RAPH1: variants seen among roughly 807,000 people sequenced by gnomAD.
The protein encoded by RAPH1 is ras-associated and pleckstrin homology domains-containing protein 1.
In RAPH1, 18 loss-of-function variants were observed where a neutral mutation model predicts 88.1. That is an observed-to-expected ratio of 0.20 (90% CI 0.14 to 0.30). RAPH1 has a LOEUF of 0.30. Among genes scored for constraint, RAPH1 ranks in the 10% least tolerant of loss-of-function variants. RAPH1 has a pLI of 1.00. For missense variants in RAPH1, 1,448 were observed against 1,543.2 expected, an observed-to-expected ratio of 0.94 and a Z score of 1.03; for synonymous variants, 587 against 559.0, an observed-to-expected ratio of 1.05 and a Z score of -0.71.
intron 13 of RAPH1, 132 bp downstream of exon 13, chr2:203,444,736 G>T: frequency 1.3e-6 from 1 of 759,342 alleles, no homozygotes; most frequent in African/African-American, 1.8e-5. Context: ...CTACAATTAG[G>T]AAGATTGAAA....
In RAPH1 at chr2:203,460,029, C is replaced by G. The variant is rs2098523081; in HGVS notation, c.971-1G>C. ...TTTTCATGGTCTTCAAAGATTCTCT[C>G]TGTCCCAAAATAAAATATCCGTATT... On this transcript the variant is annotated splice_acceptor_variant, in intron 6 of 13. Coordinates refer to ENST00000319170, the MANE Select transcript of RAPH1 (RefSeq NM_213589.3). LOFTEE classifies it high-confidence loss of function. 3 of 1,600,274 alleles carry G rather than the reference C, an allele frequency of 1.9e-6. No homozygotes were observed. The highest frequency in any genetic ancestry group is 2.6e-6 in the Non-Finnish European group (3 of 1,174,348).
intron 1 of RAPH1, among the ~76,000 whole-genome samples, chr2:203,507,859 C>T (rs1395320651): frequency 6.6e-6 from 1 of 152,112 alleles, no homozygotes; most frequent in Non-Finnish European, 1.5e-5. Flanking sequence ...ATCAATGTTA[C>T]ATTTCCTGAT....
rs1298231513 is a variant in RAPH1, at chr2:203,440,060, C to G, written c.3130G>C (p.Gly1044Arg). Residue 1044 changes from glycine (G) to arginine (R), a missense_variant, in exon 14 of 14, where the codon GGG (glycine) becomes CGG (arginine). Gly to Arg is a moderately radical substitution (Grantham distance 125). Around this residue, in one of 2 missense-constraint regions of RAPH1, gnomAD observed 935 missense variants for 890.1 expected, o/e 1.05. Transcript: ENST00000319170. Reference protein sequence around the residue: ...GVNLPGVLQQGCVSAKAPVLS... With the variant: ...GVNLPGVLQQRCVSAKAPVLS... ...ACAGGGGCTTTTGCTGACACACACC[C>G]TTGTTGGAGAACTCCAGGAAGGTTG... 1 of 1,613,646 alleles carries G rather than the reference C, an allele frequency of 6.2e-7. No individual in the cohort carries two copies.
chr2:203,437,645 A>G lies in RAPH1; in HGVS notation c.*1792T>C, dbSNP rs1438499220. 6 of 153,002 alleles carry G rather than the reference A, an allele frequency of 3.9e-5. No homozygotes were observed. The highest frequency in any genetic ancestry group is 3.9e-4 in the Admixed American group (6 of 15,322). The allele number at this position is 153,002 out of a possible 1,614,324, so 9.5% of individuals were successfully genotyped here. A position where few individuals can be genotyped will look rare whatever the true frequency, so the allele number is the denominator to read the frequency against. On this transcript the variant is annotated 3_prime_UTR_variant, in exon 14 of 14. Transcript: ENST00000319170. ...CAATATTCTGGAGATGTAGCAATGG[A>G]GAGGTGCTGTTCACTCTCTGTTTAC...
At chr2:203,533,001 C>T (rs989985094) in intron 1 of RAPH1, among the ~76,000 whole-genome samples, 6 of 152,112 alleles carry the variant, frequency 3.9e-5, no homozygotes, top group African/African-American at 1.4e-4. Flanking sequence ...TGACAGTTAT[C>T]CACGATGCCA....
intron 3 of RAPH1, among the ~76,000 whole-genome samples, chr2:203,490,801 G>T (rs533386935): frequency 1.3e-5 from 2 of 152,156 alleles, no homozygotes; most frequent in South Asian, 4.2e-4. Context: ...CCAGCACTTT[G>T]GGAGGCTGAG....
At chr2:203,499,039 G>A (rs943917338) in intron 1 of RAPH1, among the ~76,000 whole-genome samples, 4 of 151,314 alleles carry the variant, frequency 2.6e-5, no homozygotes, top group Admixed American at 2.6e-4. Flanking sequence ...TATACCACCT[G>A]GGTTTGTGTA....
chr2:203,501,958 T>C (rs1322872772), intron 1 of RAPH1, among the ~76,000 whole-genome samples: 1 of 152,120 alleles, frequency 6.6e-6, no homozygotes, highest in Non-Finnish European at 1.5e-5. Context: ...CCTCCCTGAG[T>C]AGCTGGGACG....
chr2:203,457,360 T>A (rs1024350171), intron 8 of RAPH1, among the ~76,000 whole-genome samples, 170 bp downstream of exon 8: 8 of 151,992 alleles, frequency 5.3e-5, no homozygotes, highest in Admixed American at 2.0e-4. Flanking sequence ...CTAATTTTTT[T>A]ATTTTTTAAC....
intron 1 of RAPH1, among the ~76,000 whole-genome samples, chr2:203,522,185 T>C (rs896479439): frequency 2.6e-5 from 4 of 152,176 alleles, no homozygotes; most frequent in Non-Finnish European, 4.4e-5. Flanking sequence ...ACAAAAGATA[T>C]CTGTTTTAGT....
Position 203,444,986 on chromosome 2 carries a change from T to G in RAPH1, c.1658A>C (p.Gln553Pro). 6 of 1,613,974 alleles carry G rather than the reference T, an allele frequency of 3.7e-6. No homozygotes were observed. The highest frequency in any genetic ancestry group is 5.1e-6 in the Non-Finnish European group (6 of 1,179,954). ...IPESQSNHSN[Q>P]SDSGVSDTQP... ...GGTGTCAGAAACTCCGCTATCAGAC[T>G]GATTGGAGTGGTTTGACTGAGACTC... Residue 553 changes from glutamine to proline, a missense_variant, in exon 13 of 14, where the codon CAG becomes CCG. Transcript: ENST00000319170.
chr2:203,524,959 A>C (rs1690047301), intron 1 of RAPH1, among the ~76,000 whole-genome samples: 1 of 152,204 alleles, frequency 6.6e-6, no homozygotes, highest in Non-Finnish European at 1.5e-5. Context: ...GATATATGCA[A>C]TTTTCTGATT....
intron 1 of RAPH1, among the ~76,000 whole-genome samples, chr2:203,531,778 T>G (rs1690400493): frequency 6.6e-6 from 1 of 152,220 alleles, no homozygotes; most frequent in Non-Finnish European, 1.5e-5. Context: ...GGAACCTTTG[T>G]GCATTGCTAG....
chr2:203,489,193 T>C (rs932952941), intron 4 of RAPH1, among the ~76,000 whole-genome samples: 2 of 151,996 alleles, frequency 1.3e-5, no homozygotes, highest in Non-Finnish European at 2.9e-5. Context: ...CCCTGTAAAC[T>C]AGAATCTTGG....
chr2:203,434,195 G>A lies in RAPH1; in HGVS notation c.*5242C>T, dbSNP rs1581231818. ...TGTAACTTCATCTTCACTGAGCTGT[G>A]CATAATCCTTTGAATAATAATGTCC... On this transcript the variant is annotated 3_prime_UTR_variant, in exon 14 of 14. Coordinates refer to ENST00000319170, the MANE Select transcript of RAPH1 (RefSeq NM_213589.3). 6.6e-6 allele frequency: 1 copy of A among 152,464 alleles called. No individual in the cohort carries two copies. The highest frequency in any genetic ancestry group is 1.5e-5 in the Non-Finnish European group (1 of 68,006). 9.4% of individuals were successfully genotyped at this position (152,464 alleles called of 1,614,324 possible).
chr2:203,520,126 G>A (rs553105521), intron 1 of RAPH1, among the ~76,000 whole-genome samples: 277 of 152,020 alleles, frequency 1.8e-3, no homozygotes, highest in African/African-American at 6.5e-3. Flanking sequence ...TCAAGAGTTC[G>A]AGACCAGCCT....
chr2:203,476,560 C>T (rs1259083478), intron 4 of RAPH1, among the ~76,000 whole-genome samples: 1 of 152,084 alleles, frequency 6.6e-6, no homozygotes, highest in Non-Finnish European at 1.5e-5. Context: ...AGATTAACCA[C>T]ATTTTAAATA....
chr2:203,526,706 CAAAAAAAAAAAA>C (rs34932665), intron 1 of RAPH1, among the ~76,000 whole-genome samples: 1 of 80,638 alleles, frequency 1.2e-5, no homozygotes, highest in African/African-American at 5.0e-5. Context: ...AACTCTGTCT[CAAAAAAAAAAAA>C]AAAAAAAAAA....
At chr2:203,534,505 T>TCCCCCCCCCCCCCC (rs1486665508) in intron 1 of RAPH1, among the ~76,000 whole-genome samples, 7 of 7,412 alleles carry the variant, frequency 9.4e-4, no homozygotes, top group Non-Finnish European at 2.2e-3. Flanking sequence ...CCTCCCTCCG[T>TCCCCCCCCCCCCCC]CCACCCCCCC....
Sources: allele counts gnomAD v4.1 joint callset (sites outside exome capture counted in the v4.1 genomes callset), GRCh38; gene constraint gnomAD v4.1.1; regional missense constraint gnomAD v4.1.1; transcripts MANE v1.5; gene names NCBI Gene and HGNC (gene_info 2026-07-23, HGNC 2026-07-21).